PCSK5: variants seen among roughly 807,000 people sequenced by gnomAD.
The protein encoded by PCSK5 is prohormone convertase 5.
Under a neutral mutation model 233.2 loss-of-function variants are expected in PCSK5, and 129 were observed. That is an observed-to-expected ratio of 0.55 (90% confidence interval 0.48 to 0.64). PCSK5 has a LOEUF of 0.64. PCSK5 is among the 30% of genes least tolerant of loss of function. The pLI is 0.00. For synonymous variants in PCSK5, 825 were observed against 879.2 expected (o/e 0.94, Z 1.09); for missense variants, 2,076 against 2,430.1 (o/e 0.85, Z 3.06).
rs915138239 is a variant in PCSK5, at chr9:75,932,371, C to G, written c.193-8C>G. 1.9e-6 allele frequency: 3 copies of G among 1,542,624 alleles called. No homozygotes were observed. The highest frequency in any genetic ancestry group is 2.7e-5 in the African/African-American group (2 of 73,510). On this transcript the variant is annotated splice_region_variant and splice_polypyrimidine_tract_variant and intron_variant, in intron 1 of 37. Transcript: ENST00000674117. ...TTTTGTTCTTTCCTTCCCACCCTTC[C>G]TTTGCAGATAGGGGCCCTGAAGGAC...
intron 35 of PCSK5, among the ~76,000 whole-genome samples, chr9:76,342,509 C>T (rs1829864160): frequency 6.6e-6 from 1 of 152,190 alleles, no homozygotes. Context: ...ACCATCAGCA[C>T]GTTTGCTGTC....
chr9:75,928,561 G>C (rs1823606605), intron 1 of PCSK5, among the ~76,000 whole-genome samples: 1 of 130,434 alleles, frequency 7.7e-6, no homozygotes, highest in African/African-American at 2.9e-5. Context: ...CATATTAATA[G>C]ATGAGAGACA....
At chr9:75,892,540 G>A (rs1587318607) in intron 1 of PCSK5, among the ~76,000 whole-genome samples, 1 of 152,348 alleles carries the variant, frequency 6.6e-6, no homozygotes, top group East Asian at 1.9e-4. Flanking sequence ...GACTGCCCGG[G>A]GTGCACGCAC....
At chr9:76,039,761 A>G (rs1829014000) in intron 5 of PCSK5, among the ~76,000 whole-genome samples, 1 of 152,172 alleles carries the variant, frequency 6.6e-6, no homozygotes, top group Non-Finnish European at 1.5e-5. Flanking sequence ...GAAGCTTGGT[A>G]TATGATTTGG....
Position 76,162,649 on chromosome 9 carries a change from A to G in PCSK5, c.1619+3478A>G, listed in dbSNP as rs537329012. On this transcript the variant is annotated intron_variant, in intron 12 of 37. Coordinates refer to ENST00000674117, the MANE Select transcript of PCSK5 (RefSeq NM_001372043.1). The stretch of plus-strand genomic sequence containing the variant: ...CCCTTGTCTTTTTTTCAGAGAAGTC[A>G]AGATTTCTCAGGAGGACCATGTAAA... 1.4e-4 allele frequency among the ~76,000 whole-genome samples: 22 copies of G among 152,320 alleles called. No individual in the cohort carries two copies. In the East Asian group the frequency reaches 3.9e-3, roughly 27 times the overall value.
chr9:76,227,416 C>T (rs1825928574), intron 20 of PCSK5, 87 bp from the exon 21 acceptor site: 3 of 885,282 alleles, frequency 3.4e-6, no homozygotes, highest in Admixed American at 2.0e-5. Flanking sequence ...TTTCAGGCAG[C>T]CACAGAGATC....
At chr9:76,013,921 T>A (rs1181492111) in intron 3 of PCSK5, among the ~76,000 whole-genome samples, 1 of 151,942 alleles carries the variant, frequency 6.6e-6, no homozygotes, top group Non-Finnish European at 1.5e-5. Flanking sequence ...AGAAAAAAAA[T>A]TATTTCCCAT....
chr9:76,256,800 C>T lies in PCSK5; in HGVS notation c.3142+16116C>T, dbSNP rs201363858. On this transcript the variant is annotated intron_variant, in intron 24 of 37. Transcript: ENST00000674117. ...GAGTGTGGAAAATTGAGTCAGAAAT[C>T]TTAGTCTCTATTCATTTCCATCCTT... is the stretch of plus-strand genomic sequence containing the variant. Among the ~76,000 whole-genome samples the T allele has an allele frequency of 3.3e-4, 50 of 152,284 alleles. No homozygotes were observed. In the East Asian group the frequency reaches 6.6e-3, roughly 20 times the overall value.
chr9:76,144,111 T>A (rs923446945), intron 10 of PCSK5, among the ~76,000 whole-genome samples: 19 of 152,140 alleles, frequency 1.2e-4, no homozygotes, highest in Admixed American at 6.6e-5. Context: ...TGACTTTTCC[T>A]CCTTCCGAAG....
intron 2 of PCSK5, among the ~76,000 whole-genome samples, chr9:75,952,233 C>A (rs917940774): frequency 3.3e-5 from 5 of 152,096 alleles, no homozygotes; most frequent in African/African-American, 1.2e-4. Flanking sequence ...GCTTTTTCTT[C>A]TTTTAATGTA....
intron 10 of PCSK5, among the ~76,000 whole-genome samples, chr9:76,155,937 AAG>A (rs559103000): frequency 7.8e-4 from 119 of 152,274 alleles, no homozygotes; most frequent in African/African-American, 2.7e-3. Flanking sequence ...TGGGGTCTCT[AAG>A]AGGGGCCTTC....
intron 2 of PCSK5, among the ~76,000 whole-genome samples, chr9:75,962,362 A>G (rs2131346107): frequency 6.6e-6 from 1 of 152,290 alleles, no homozygotes; most frequent in East Asian, 1.9e-4. Flanking sequence ...AGGCCTGGCA[A>G]CTCGGCAGGT....
intron 25 of PCSK5, among the ~76,000 whole-genome samples, chr9:76,293,632 C>A (rs988988219): frequency 9.9e-5 from 15 of 152,102 alleles, no homozygotes; most frequent in Non-Finnish European, 2.2e-4. Flanking sequence ...GTATTTTTAG[C>A]AGAGACAGGG....
chr9:76,156,226 C>T (rs933934981), intron 10 of PCSK5, among the ~76,000 whole-genome samples: 4 of 123,126 alleles, frequency 3.2e-5, no homozygotes, highest in Non-Finnish European at 7.6e-5. Flanking sequence ...TTAGAAAGAT[C>T]TGCACATGTA....
intron 22 of PCSK5, among the ~76,000 whole-genome samples, chr9:76,235,633 A>G (rs1200110951): frequency 6.6e-6 from 1 of 152,226 alleles, no homozygotes; most frequent in East Asian, 1.9e-4. Context: ...TCTAACAAGG[A>G]GGTTTGTCCT....
chr9:76,221,801 T>C (rs1467363824), intron 20 of PCSK5, among the ~76,000 whole-genome samples: 1 of 152,238 alleles, frequency 6.6e-6, no homozygotes, highest in Non-Finnish European at 1.5e-5. Context: ...CCATCCTTTT[T>C]GCAGGAGTGC....
chr9:75,924,313 A>C lies in PCSK5; in HGVS notation c.193-8066A>C, dbSNP rs192800161. Among the ~76,000 whole-genome samples, 5 of 152,276 alleles carry C rather than the reference A, an allele frequency of 3.3e-5. No homozygotes were observed. In the East Asian group the frequency reaches 9.7e-4, roughly 29 times the overall value. On this transcript the variant is annotated intron_variant, in intron 1 of 37. Transcript: ENST00000674117. ...GAGTCTGAACCTGAAGGAATTTAGG[A>C]AGGAATCAAGGATACTCTGAATGAT...
At chr9:75,917,332 C>T (rs1823050647) in intron 1 of PCSK5, among the ~76,000 whole-genome samples, 1 of 152,176 alleles carries the variant, frequency 6.6e-6, no homozygotes, top group African/African-American at 2.4e-5. Context: ...ACGTATGATG[C>T]TGAAACACAC....
At chr9:76,215,484 G>A (rs758600955) in intron 20 of PCSK5, among the ~76,000 whole-genome samples, 107 of 152,330 alleles carry the variant, frequency 7.0e-4, no homozygotes, top group Non-Finnish European at 2.2e-4. Context: ...CCGATATGGG[G>A]CCCAGACTTG....
Sources: gnomAD v4.1 joint callset for allele counts (sites outside exome capture counted in the v4.1 genomes callset) on GRCh38, gnomAD v4.1.1 for gene constraint, MANE v1.5 for transcripts, NCBI Gene and HGNC (gene_info 2026-07-23, HGNC 2026-07-21) for gene names.